GRIP1: variants seen among roughly 807,000 people sequenced by gnomAD.
GRIP1 encodes the protein glutamate receptor interacting protein 1, also known as glutamate receptor-interacting protein 1.
A neutral mutation model predicts 129.9 loss-of-function variants in GRIP1; 45 were observed. That is an observed-to-expected ratio of 0.35 (90% confidence interval 0.27 to 0.44). GRIP1 has a LOEUF of 0.44. Among genes scored for constraint, GRIP1 ranks in the 20% least tolerant of loss-of-function variants. The pLI is 1.00. For missense variants in GRIP1, 1,196 were observed against 1,396.8 expected (o/e 0.86, Z 2.29); for synonymous variants, 530 against 520.8 (o/e 1.02, Z -0.24).
At chr12:66,981,373 C>T (rs1236488442) in intron 1 of GRIP1, among the ~76,000 whole-genome samples, 2 of 152,124 alleles carry the variant, frequency 1.3e-5, no homozygotes, top group Non-Finnish European at 2.9e-5. Context: ...CATCTGTCTC[C>T]CTCAGAGCAA....
intron 2 of GRIP1, among the ~76,000 whole-genome samples, chr12:66,576,061 T>C (rs1309903774): frequency 6.6e-6 from 1 of 152,210 alleles, no homozygotes; most frequent in East Asian, 1.9e-4. Context: ...GAATCTCAAT[T>C]TCTATATTGA....
At chr12:66,604,514 C>T (rs1000640278) in intron 1 of GRIP1, among the ~76,000 whole-genome samples, 1 of 152,144 alleles carries the variant, frequency 6.6e-6, no homozygotes, top group Non-Finnish European at 1.5e-5. Context: ...ATTTTCATGA[C>T]CATATCAGAT....
intron 1 of GRIP1, among the ~76,000 whole-genome samples, chr12:67,038,961 T>C (rs1412130646): frequency 6.6e-6 from 1 of 152,044 alleles, no homozygotes; most frequent in Non-Finnish European, 1.5e-5. Context: ...ACCACAGCAA[T>C]ATGACCAAAC....
rs768576707 is a variant in GRIP1 at position 66,371,886 on chromosome 12, C to A, written c.2820G>T (p.Glu940Asp). 1.9e-5 allele frequency: 31 copies of A among 1,612,974 alleles called. No individual in the cohort carries two copies. Among genetic ancestry groups the A allele is most frequent in the Non-Finnish European group, 2.5e-5 (29 of 1,179,892 alleles). Residue 940 changes from glutamate to aspartate, a missense_variant, in exon 23 of 25, where the codon GAG (glutamate) becomes GAT (aspartate). Glu to Asp is a conservative substitution (Grantham distance 45). Transcript: ENST00000359742. ...MSGSTMSLNH[E>D]APTPRSQLGR... ...CCAGCTGACTGCGAGGTGTTGGAGC[C>A]TCATGATTCAAACTCATCGTGCTCC...
intron 1 of GRIP1, among the ~76,000 whole-genome samples, chr12:66,672,319 T>C (rs1393795235): frequency 6.6e-6 from 1 of 152,192 alleles, no homozygotes; most frequent in East Asian, 1.9e-4. Flanking sequence ...AGAAGCTCTT[T>C]CTCACTTTCT....
chr12:66,387,085 G>A (rs750382720), intron 19 of GRIP1, among the ~76,000 whole-genome samples: 4 of 152,196 alleles, frequency 2.6e-5, no homozygotes, highest in Non-Finnish European at 4.4e-5. Context: ...GTGGTAAGAA[G>A]TGGAGAGAAG....
At chr12:66,538,893 G>A (rs2061686038) in intron 4 of GRIP1, among the ~76,000 whole-genome samples, 185 bp downstream of exon 4, 1 of 152,120 alleles carries the variant, frequency 6.6e-6, no homozygotes. Context: ...GTGAGCCACC[G>A]CGCCCAGCCA....
intron 7 of GRIP1, among the ~76,000 whole-genome samples, chr12:66,472,630 T>C (rs1845296): frequency 0.64 from 97,110 of 151,920 alleles, 31,477 homozygotes; most frequent in Middle Eastern, 0.78. Flanking sequence ...GTACATGGCT[T>C]ATCTCACTGG....
chr12:66,885,878 A>G (rs2040557957), intron 1 of GRIP1, among the ~76,000 whole-genome samples: 1 of 152,230 alleles, frequency 6.6e-6, no homozygotes, highest in Non-Finnish European at 1.5e-5. Context: ...TGGAGATTCA[A>G]GAGCTACATG....
chr12:66,622,166 T>C (rs923978124), intron 1 of GRIP1, among the ~76,000 whole-genome samples: 2 of 152,142 alleles, frequency 1.3e-5, no homozygotes, highest in African/African-American at 4.8e-5. Context: ...GAAATCACTG[T>C]ACTGATTCCA....
intron 1 of GRIP1, among the ~76,000 whole-genome samples, chr12:66,922,085 T>C (rs564624880): frequency 6.6e-6 from 1 of 151,568 alleles, no homozygotes; most frequent in Non-Finnish European, 1.5e-5. Context: ...AGGATGTAGC[T>C]GGTTTATATT....
intron 11 of GRIP1, among the ~76,000 whole-genome samples, chr12:66,450,250 G>A (rs1481442235): frequency 7.2e-6 from 1 of 138,100 alleles, no homozygotes. Flanking sequence ...CTTGCAGTGA[G>A]CGGAGATCTC....
intron 1 of GRIP1, among the ~76,000 whole-genome samples, chr12:66,982,159 C>T (rs1188364898): frequency 6.6e-6 from 1 of 152,180 alleles, no homozygotes; most frequent in Admixed American, 6.6e-5. Context: ...GGTAGCAGAT[C>T]TAGCACTGAA....
chr12:66,725,392 A>G (rs1419046791), intron 1 of GRIP1, among the ~76,000 whole-genome samples: 1 of 152,222 alleles, frequency 6.6e-6, no homozygotes, highest in African/African-American at 2.4e-5. Context: ...AAATTTTAAG[A>G]ATACATCATC....
At chr12:66,858,201 T>C (rs959139482) in intron 1 of GRIP1, among the ~76,000 whole-genome samples, 7 of 151,978 alleles carry the variant, frequency 4.6e-5, no homozygotes, top group Admixed American at 2.0e-4. Context: ...GATTACTGTA[T>C]ATATAAGAGA....
At chr12:66,974,690 C>T (rs770228652) in intron 1 of GRIP1, among the ~76,000 whole-genome samples, 18 of 152,130 alleles carry the variant, frequency 1.2e-4, no homozygotes, top group Non-Finnish European at 2.2e-4. Flanking sequence ...GTACAGTAAG[C>T]GTTCAACAAA....
chr12:66,582,602 T>C lies in GRIP1; in HGVS notation c.136+14245A>G, dbSNP rs977300526. ...CGTACAAAAATCACAAGCATTCTTA[T>C]ACACCAATAACAGACAAACAGAGAG... On this transcript the variant is annotated intron_variant, in intron 2 of 24. Transcript: ENST00000359742. Among the ~76,000 whole-genome samples the C allele has an allele frequency of 2.2e-5, 3 of 137,634 alleles. 1 individual carries two copies. Among genetic ancestry groups the C allele is most frequent in the African/African-American group, 8.0e-5 (3 of 37,294 alleles). The allele number at this position is 137,634 out of a possible 152,430, so 90.3% of individuals were successfully genotyped here. A position where few individuals can be genotyped will look rare whatever the true frequency, so the allele number is the denominator to read the frequency against.
At chr12:66,677,630 C>T (rs1028117309) in intron 1 of GRIP1, among the ~76,000 whole-genome samples, 1 of 152,146 alleles carries the variant, frequency 6.6e-6, no homozygotes, top group Non-Finnish European at 1.5e-5. Flanking sequence ...CCCTACATTT[C>T]CCCCAAAGTA....
chr12:67,057,899 A>T (rs2043465661), intron 1 of GRIP1, among the ~76,000 whole-genome samples: 1 of 152,244 alleles, frequency 6.6e-6, no homozygotes, highest in Non-Finnish European at 1.5e-5. Flanking sequence ...CATACCAGAA[A>T]ATTATACGTG....
Sources: allele counts gnomAD v4.1 joint callset (sites outside exome capture counted in the v4.1 genomes callset), GRCh38; gene constraint gnomAD v4.1.1; transcripts MANE v1.5; gene names NCBI Gene and HGNC (gene_info 2026-07-23, HGNC 2026-07-21).